The following MGAM variants were observed in gnomAD, a reference collection of about 807,000 sequenced individuals.
MGAM encodes the protein maltase-glucoamylase.
Under a neutral mutation model 358.8 loss-of-function variants are expected in MGAM, and 253 were observed. That is an observed-to-expected ratio of 0.71 (90% CI 0.64 to 0.78). The LOEUF (loss-of-function observed/expected upper bound fraction) is 0.78. MGAM is among the 30% of genes least tolerant of loss of function. The probability of loss-of-function intolerance (pLI) is 0.00; values close to 1 mark genes in which losing one functional copy is unlikely to be tolerated. For missense variants in MGAM, 3,080 were observed against 3,432.6 expected (o/e 0.90, Z 2.57); for synonymous variants, 1,105 against 1,227.1 (o/e 0.90, Z 2.08).
In MGAM at chr7:142,106,048, G is replaced by A; in HGVS notation, c.*157G>A. Reference sequence around the variant, plus strand: ...ATATGTTTTTTGTGTGAACCCTAAAGGTTAAACCTTAGCCCTGTGGGATAG... The same window carrying A: ...ATATGTTTTTTGTGTGAACCCTAAAAGTTAAACCTTAGCCCTGTGGGATAG... On this transcript the variant is annotated 3_prime_UTR_variant, in exon 71 of 71. Transcript: ENST00000475668. 1.6e-6 allele frequency: 1 copy of A among 608,250 alleles called. No individual in the cohort carries two copies. Among genetic ancestry groups the A allele is most frequent in the African/African-American group, 1.9e-5 (1 of 53,914 alleles). The allele number at this position is 608,250 out of a possible 1,614,324, so 37.7% of individuals were successfully genotyped here.
At chr7:142,048,916 T>C (rs2129029133) in intron 22 of MGAM, among the ~76,000 whole-genome samples, 1 of 152,310 alleles carries the variant, frequency 6.6e-6, no homozygotes, top group South Asian at 2.1e-4. Flanking sequence ...ACAGCTATTT[T>C]AAGGAACAGA....
intron 3 of MGAM, among the ~76,000 whole-genome samples, chr7:142,011,957 T>C (rs1805633410): frequency 6.6e-6 from 1 of 152,210 alleles, no homozygotes; most frequent in Admixed American, 6.5e-5. Flanking sequence ...TAAAATAGCC[T>C]ACATTTAAGA....
chr7:142,062,891 C>T (rs1193378380), intron 35 of MGAM, among the ~76,000 whole-genome samples, 189 bp downstream of exon 35: 2 of 152,166 alleles, frequency 1.3e-5, no homozygotes, highest in Non-Finnish European at 2.9e-5. Flanking sequence ...AGACCTGACG[C>T]TCCTACTGTA....
At chr7:142,097,477 C>A in intron 65 of MGAM, 116 bp from the exon 66 acceptor site, 2 of 975,064 alleles carry the variant, frequency 2.1e-6, no homozygotes, top group Non-Finnish European at 3.2e-6. Flanking sequence ...CCTCCTGGGA[C>A]ATGAGGCAAG....
At chr7:142,031,360 A>G (rs986783260) in intron 12 of MGAM, among the ~76,000 whole-genome samples, 2 of 152,230 alleles carry the variant, frequency 1.3e-5, no homozygotes, top group Non-Finnish European at 2.9e-5. Flanking sequence ...TGAAATTTAC[A>G]CAATGCTCTT....
At position 142,076,561 on chromosome 7, in the gene MGAM, TG is replaced by T. The variant is rs1019295618; in HGVS notation, c.5326-92del. On this transcript the variant is annotated intron_variant, in intron 46 of 70. Coordinates refer to ENST00000475668, the MANE Select transcript of MGAM (RefSeq NM_001365693.1). ...GAAAGCAGAGAGGCATTCATGGCAG[TG>T]GGGGGTATCCAGTCTGGAATAGAAT... 34 of 1,121,616 alleles carry T rather than the reference TG, an allele frequency of 3.0e-5. 5 individuals carry two copies. Among genetic ancestry groups the T allele is most frequent in the East Asian group, 2.5e-5 (1 of 40,260 alleles). The allele number at this position is 1,121,616 out of a possible 1,614,324, so 69.5% of individuals were successfully genotyped here.
chr7:142,093,266 C>A (rs755558094), intron 59 of MGAM, 146 bp from the exon 60 acceptor site: 1 of 1,087,018 alleles, frequency 9.2e-7, no homozygotes, highest in Non-Finnish European at 1.3e-6. Context: ...GAGCTGGGGG[C>A]GCTGTGCTCA....
At chr7:142,049,390 G>A (rs897420961) in intron 22 of MGAM, among the ~76,000 whole-genome samples, 5 of 152,096 alleles carry the variant, frequency 3.3e-5, no homozygotes, top group Non-Finnish European at 7.3e-5. Context: ...ATTAGTCTTG[G>A]CAATGACTTT....
At chr7:142,070,174 C>A (rs1316730915) in intron 43 of MGAM, among the ~76,000 whole-genome samples, 3 of 133,224 alleles carry the variant, frequency 2.3e-5, no homozygotes, top group Non-Finnish European at 5.1e-5. Context: ...GCCTGGGTGA[C>A]GGAACCAGAC....
Position 142,065,912 on chromosome 7 carries a change from T to A in MGAM, c.4770+81T>A. 3 of 1,119,026 alleles carry A rather than the reference T, an allele frequency of 2.7e-6. 1 individual carries two copies. The highest frequency in any genetic ancestry group is 3.9e-6 in the Non-Finnish European group (3 of 779,022). The allele number at this position is 1,119,026 out of a possible 1,614,324, so 69.3% of individuals were successfully genotyped here. A position where few individuals can be genotyped will look rare whatever the true frequency, so the allele number is the denominator to read the frequency against. On this transcript the variant is annotated intron_variant, in intron 40 of 70. Coordinates refer to ENST00000475668, the MANE Select transcript of MGAM (RefSeq NM_001365693.1). ...TTTCTGTGCTAAAAGTAATGCAGTC[T>A]CTATTTCCTGGGATATCTTTAAAAA... is the stretch of plus-strand genomic sequence containing the variant.
chr7:142,028,457 G>GTAAATTGAGGCTGTCAGGGGAAA lies in MGAM; in HGVS notation c.1221+725_1221+747dup, dbSNP rs1321026240. ...TTAGCATCATTTTTTTTCACAGATAGTAAATTGAGGCTGTCAGGGGAAATA... is the reference window on the plus strand; with the variant it reads ...TTAGCATCATTTTTTTTCACAGATAGTAAATTGAGGCTGTCAGGGGAAATAAATTGAGGCTGTCAGGGGAAATA... On this transcript the variant is annotated intron_variant, in intron 10 of 70. Transcript: ENST00000475668. 1.8e-4 allele frequency among the ~76,000 whole-genome samples: 28 copies of GTAAATTGAGGCTGTCAGGGGAAA among 152,178 alleles called. No homozygotes were observed. The East Asian group carries it at 5.2e-3, about 28-fold the overall frequency.
intron 69 of MGAM, among the ~76,000 whole-genome samples, 162 bp from the exon 70 acceptor site, chr7:142,103,107 T>C (rs531066746): frequency 2.9e-4 from 44 of 152,286 alleles, no homozygotes; most frequent in Non-Finnish European, 4.6e-4. Flanking sequence ...GAGTTGGCAA[T>C]AGGCCATAGA....
At position 142,005,685 on chromosome 7, in the gene MGAM, A is replaced by T. The variant is rs374842060; in HGVS notation, c.127+28A>T. ...AAGAAGTAACTCTGGGGCTCTCTCC[A>T]TATGTTGTTTTTATTAGAGCAAACC... On this transcript the variant is annotated intron_variant, in intron 2 of 70. Transcript: ENST00000475668. 11 of 1,587,566 alleles carry T rather than the reference A, an allele frequency of 6.9e-6. No homozygotes were observed. In the African/African-American group the frequency reaches 1.2e-4, roughly 18 times the overall value.
intron 57 of MGAM, among the ~76,000 whole-genome samples, chr7:142,088,568 C>T (rs1814980349): frequency 1.5e-5 from 2 of 132,100 alleles, no homozygotes; most frequent in African/African-American, 5.4e-5. Flanking sequence ...CTCTATCTAT[C>T]TATCTATCAT....
At position 142,036,303 on chromosome 7, in the gene MGAM, T is replaced by A. The variant is rs782069261; in HGVS notation, c.2076+18T>A. The stretch of plus-strand genomic sequence containing the variant: ...GCTACAAGGTAAGGCTCCTAGGACA[T>A]AGAGTCAGAATAAATTTGGCATACA... On this transcript the variant is annotated intron_variant, in intron 17 of 70. Coordinates refer to ENST00000475668, the MANE Select transcript of MGAM (RefSeq NM_001365693.1). The A allele has an allele frequency of 1.9e-6, 3 of 1,562,002 alleles. No homozygotes were observed. The African/African-American group carries it at 4.1e-5, about 21-fold the overall frequency.
At chr7:142,062,479 G>C (rs1204674691) in intron 34 of MGAM, 89 bp from the exon 35 acceptor site, 10 of 1,507,156 alleles carry the variant, frequency 6.6e-6, no homozygotes, top group Non-Finnish European at 9.0e-6. Flanking sequence ...TGCAGTTGAA[G>C]TATTTGTGTG....
chr7:142,067,935 A>AATAT (rs547783903), intron 42 of MGAM, among the ~76,000 whole-genome samples: 7 of 29,196 alleles, frequency 2.4e-4, no homozygotes, highest in African/African-American at 5.6e-4. Flanking sequence ...ACCTCCCTCA[A>AATAT]ATATATATAT....
upstream of MGAM, among the ~76,000 whole-genome samples, chr7:141,993,849 G>A (rs1183899157): frequency 6.6e-6 from 1 of 152,070 alleles, no homozygotes; most frequent in Non-Finnish European, 1.5e-5. Context: ...TAGACATATC[G>A]CTTTATTGTT....
At chr7:142,010,250 T>G (rs1031303028) in intron 3 of MGAM, among the ~76,000 whole-genome samples, 37 of 152,082 alleles carry the variant, frequency 2.4e-4, no homozygotes, top group Non-Finnish European at 1.0e-4. Flanking sequence ...GATCACTCGA[T>G]TATCTAACTC....
Sources: gnomAD v4.1 joint callset for allele counts (sites outside exome capture counted in the v4.1 genomes callset) on GRCh38, gnomAD v4.1.1 for gene constraint, MANE v1.5 for transcripts, NCBI Gene and HGNC (gene_info 2026-07-23, HGNC 2026-07-21) for gene names.